ACVR1C: variants seen among roughly 807,000 people sequenced by gnomAD.
ACVR1C encodes the protein activin A receptor type 1C, also known as activin receptor type-1C.
A neutral mutation model predicts 57.9 loss-of-function variants in ACVR1C; 23 were observed. The observed-to-expected ratio is 0.40, with a 90% CI of 0.29 to 0.56. The LOEUF (loss-of-function observed/expected upper bound fraction) is 0.56, where lower values mean the gene tolerates loss of function less well. ACVR1C is among the 20% of genes least tolerant of loss of function. ACVR1C has a pLI of 0.50. For missense variants in ACVR1C, 480 were observed against 607.9 expected, an observed-to-expected ratio of 0.79 and a Z score of 2.21; for synonymous variants, 214 against 215.3, an observed-to-expected ratio of 0.99 and a Z score of 0.05.
chr2:157,614,245 A>G (rs559467538), intron 1 of ACVR1C, among the ~76,000 whole-genome samples: 1 of 151,942 alleles, frequency 6.6e-6, no homozygotes, highest in Non-Finnish European at 1.5e-5. Flanking sequence ...TATTCCCTCT[A>G]TTTTCTTTGT....
At chr2:157,628,462 C>T in intron 1 of ACVR1C, 110 bp downstream of exon 1, 1 of 1,284,474 alleles carries the variant, frequency 7.8e-7, no homozygotes, top group Non-Finnish European at 1.1e-6. Flanking sequence ...CTGTCCGCCC[C>T]GAAGGTCAGT....
At chr2:157,615,694 TA>T (rs1180575056) in intron 1 of ACVR1C, among the ~76,000 whole-genome samples, 3 of 152,246 alleles carry the variant, frequency 2.0e-5, no homozygotes, top group South Asian at 4.1e-4. Flanking sequence ...CTCTTTCATT[TA>T]AAAAAACTTC....
chr2:157,535,131 C>T (rs1317386854), intron 8 of ACVR1C, among the ~76,000 whole-genome samples: 2 of 107,668 alleles, frequency 1.9e-5, no homozygotes, highest in African/African-American at 7.7e-5. Context: ...GGTGACAGTG[C>T]AAGACTCTGT....
intron 1 of ACVR1C, among the ~76,000 whole-genome samples, chr2:157,610,625 G>A (rs911678540): frequency 3.9e-5 from 6 of 152,056 alleles, no homozygotes; most frequent in Admixed American, 3.9e-4. Context: ...CACTGGATAG[G>A]TTTTTAAACC....
intron 6 of ACVR1C, 37 bp downstream of exon 6, chr2:157,542,669 T>C: frequency 6.3e-7 from 1 of 1,595,204 alleles, no homozygotes; most frequent in Non-Finnish European, 8.5e-7. Context: ...TTGGGCACTC[T>C]CACATCTTAC....
intron 3 of ACVR1C, among the ~76,000 whole-genome samples, chr2:157,554,284 A>AAGGGAGG (rs1558975234): frequency 8.8e-6 from 1 of 114,030 alleles, no homozygotes; most frequent in African/African-American, 5.1e-5. Flanking sequence ...AGGAAGGAAG[A>AAGGGAGG]GAGAGAGAGA....
At chr2:157,599,314 C>CAAAA (rs60182304) in intron 1 of ACVR1C, among the ~76,000 whole-genome samples, 5 of 40,608 alleles carry the variant, frequency 1.2e-4, no homozygotes, top group African/African-American at 4.2e-4. Flanking sequence ...AGCCTGGGCT[C>CAAAA]AAAAAAAAAA....
Position 157,623,180 on chromosome 2 carries a change from A to G in ACVR1C, c.73+5392T>C, listed in dbSNP as rs185407192. Among the ~76,000 whole-genome samples the G allele has an allele frequency of 3.5e-4, 54 of 152,352 alleles. No homozygotes were observed. The Middle Eastern group carries it at 0.024, about 67-fold the overall frequency. On this transcript the variant is annotated intron_variant, in intron 1 of 8. Transcript: ENST00000243349. ...GGTAGGATTGTAAATTAGTACAACC[A>G]CTAAGAAGAACCCTTTGGAGGTTCC...
intron 3 of ACVR1C, among the ~76,000 whole-genome samples, chr2:157,554,013 T>A (rs1052250634): frequency 5.3e-5 from 8 of 151,386 alleles, no homozygotes; most frequent in African/African-American, 1.9e-4. Context: ...TGAAACCCCA[T>A]CTCTGCTAAA....
intron 1 of ACVR1C, among the ~76,000 whole-genome samples, chr2:157,620,148 G>A (rs1011413425): frequency 6.6e-6 from 1 of 151,962 alleles, no homozygotes; most frequent in Non-Finnish European, 1.5e-5. Flanking sequence ...GTAGCTGTAG[G>A]AAATAAAGAT....
In ACVR1C at chr2:157,628,824, C is replaced by G; in HGVS notation, c.-180G>C. 2.5e-6 allele frequency: 1 copy of G among 407,592 alleles called. No individual in the cohort carries two copies. Among genetic ancestry groups the G allele is most frequent in the Middle Eastern group, 6.5e-4 (1 of 1,534 alleles). 25.2% of individuals were successfully genotyped at this position (407,592 alleles called of 1,614,324 possible). On this transcript the variant is annotated 5_prime_UTR_variant, in exon 1 of 9. Coordinates refer to ENST00000243349, the MANE Select transcript of ACVR1C (RefSeq NM_145259.3). ...CCCCCCTCCCCGGCCGCCCCCATCC[C>G]ACGCCCCCTGCGGCTGGCGGTGCGC...
At chr2:157,567,131 T>C (rs1275366446) in intron 2 of ACVR1C, among the ~76,000 whole-genome samples, 1 of 86,336 alleles carries the variant, frequency 1.2e-5, no homozygotes, top group Non-Finnish European at 2.4e-5. Context: ...GGCAGGGTAT[T>C]CCAACAGACC....
intron 2 of ACVR1C, among the ~76,000 whole-genome samples, chr2:157,576,199 A>ATTTC (rs765763815): frequency 1.1e-5 from 1 of 89,306 alleles, no homozygotes; most frequent in Non-Finnish European, 2.3e-5. Context: ...AGGAATAATC[A>ATTTC]TTTCTTTTTT....
intron 1 of ACVR1C, among the ~76,000 whole-genome samples, chr2:157,621,064 G>T (rs1234876242): frequency 6.6e-6 from 1 of 152,118 alleles, no homozygotes; most frequent in Non-Finnish European, 1.5e-5. Context: ...AATTTGGGAT[G>T]TTTAAGTCAT....
chr2:157,563,111 T>G (rs1688281743), intron 2 of ACVR1C, among the ~76,000 whole-genome samples: 1 of 152,162 alleles, frequency 6.6e-6, no homozygotes, highest in Non-Finnish European at 1.5e-5. Context: ...TATTGGAAGT[T>G]CTGGCCAGGG....
At chr2:157,562,704 T>C (rs980028467) in intron 2 of ACVR1C, among the ~76,000 whole-genome samples, 8 of 151,906 alleles carry the variant, frequency 5.3e-5, no homozygotes, top group Non-Finnish European at 1.2e-4. Flanking sequence ...CTGATGAACA[T>C]CAATGCAAAA....
In ACVR1C at chr2:157,550,250, T is replaced by C; in HGVS notation, c.687A>G (p.Glu229=). 1 of 1,614,084 alleles carries C rather than the reference T, an allele frequency of 6.2e-7. No individual in the cohort carries two copies. Among genetic ancestry groups the C allele is most frequent in the Non-Finnish European group, 8.5e-7 (1 of 1,180,024 alleles). Residue 229 remains glutamate (E), a synonymous_variant, in exon 4 of 9, where the codon GAA becomes GAG. Transcript: ENST00000243349. The stretch of plus-strand genomic sequence containing the variant: ...TTTCTGCCTCACGAAACCAAGATCT[T>C]TCATCTCTGGAGGAGAATATTTTCA... ...VAVKIFSSRD[E]RSWFREAEIY... is the part of the protein sequence containing the mutation.
rs563605949 is a variant in ACVR1C, at chr2:157,627,149, T to G, written c.73+1423A>C. On this transcript the variant is annotated intron_variant, in intron 1 of 8. Transcript: ENST00000243349. ...TATCAGCTCCTCCAAATAAAAAGAG[T>G]TGTACAGACAGCCTCCAGAGGCAGT... 2.7e-3 allele frequency among the ~76,000 whole-genome samples: 407 copies of G among 152,096 alleles called. 3 individuals are homozygous for G. Among genetic ancestry groups the G allele is most frequent in the Middle Eastern group, 0.01 (3 of 294 alleles).
At chr2:157,544,336 T>C (rs1687691217) in intron 5 of ACVR1C, 109 bp downstream of exon 5, 2 of 1,140,094 alleles carry the variant, frequency 1.8e-6, no homozygotes, top group Non-Finnish European at 2.4e-6. Context: ...TAAGCCACCG[T>C]GCCCAGCCTA....
Sources: allele counts gnomAD v4.1 joint callset (sites outside exome capture counted in the v4.1 genomes callset), GRCh38; gene constraint gnomAD v4.1.1; transcripts MANE v1.5; gene names NCBI Gene and HGNC (gene_info 2026-07-23, HGNC 2026-07-21).